ACACB: variants seen among roughly 807,000 people sequenced by gnomAD.
The protein encoded by ACACB is acetyl-CoA carboxylase 2.
In ACACB, 209 loss-of-function variants were observed where a neutral mutation model predicts 278.8. The observed-to-expected ratio is 0.75, with a 90% CI of 0.67 to 0.84. The LOEUF (loss-of-function observed/expected upper bound fraction) is 0.84. Ranked by LOEUF, ACACB falls within the 40% of genes least tolerant of loss-of-function variation. The pLI is 0.00. For missense variants in ACACB, 2,850 were observed against 3,269.0 expected (o/e 0.87, Z 3.13); for synonymous variants, 1,174 against 1,285.6 (o/e 0.91, Z 1.86).
chr12:109,231,868 G>C (rs1452780994), intron 28 of ACACB, among the ~76,000 whole-genome samples: 1 of 152,286 alleles, frequency 6.6e-6, no homozygotes, highest in Non-Finnish European at 1.5e-5. Context: ...CCTCTGCTCT[G>C]CATCGAAATC....
intron 1 of ACACB, among the ~76,000 whole-genome samples, chr12:109,128,605 C>T (rs958814092): frequency 6.6e-6 from 1 of 152,164 alleles, no homozygotes; most frequent in Admixed American, 6.5e-5. Flanking sequence ...TCCCAAAGTG[C>T]TGGGATTACG....
At chr12:109,188,205 C>T in intron 13 of ACACB, 43 bp downstream of exon 13, 2 of 1,341,582 alleles carry the variant, frequency 1.5e-6, no homozygotes, top group Non-Finnish European at 1.0e-6. Flanking sequence ...TTCCTTCCTT[C>T]CTTCCTTCCT....
chr12:109,150,644 G>A (rs1194410137), intron 2 of ACACB, among the ~76,000 whole-genome samples: 1 of 152,168 alleles, frequency 6.6e-6, no homozygotes, highest in Non-Finnish European at 1.5e-5. Context: ...AGGAATACCA[G>A]GAAAGGGAGC....
rs766791907 is a variant in ACACB at position 109,241,255 on chromosome 12, G to C, written c.4996G>C (p.Glu1666Gln). The C allele has an allele frequency of 1.2e-6, 2 of 1,614,060 alleles. No individual in the cohort carries two copies. Among genetic ancestry groups the C allele is most frequent in the Non-Finnish European group, 8.5e-7 (1 of 1,180,044 alleles). ...GYYLDISLYKEVTDSRSGNIM... is the reference protein window; with the variant it reads ...GYYLDISLYKQVTDSRSGNIM... ...CTACCTGGACATCAGCCTCTACAAA[G>C]AAGTGACTGACTCCAGATCTGGAAA... is the stretch of plus-strand genomic sequence containing the variant. Residue 1666 changes from glutamate to glutamine, a missense_variant, in exon 36 of 53, where the codon GAA becomes CAA. By Grantham distance (29) the Glu-to-Gln change is conservative. This residue lies in a region of ACACB where 2,265 missense variants were observed against 2,561.3 expected (regional missense o/e 0.88). Transcript: ENST00000338432.
rs1185806694 is a variant in ACACB at position 109,216,513 on chromosome 12, C to A, written c.3351-105C>A. On this transcript the variant is annotated intron_variant, in intron 22 of 52. Coordinates refer to ENST00000338432, the MANE Select transcript of ACACB (RefSeq NM_001093.4). Reference sequence around the variant, plus strand: ...GGGATTACAGGCATGAGCCACCATGCCCAGCCAATCCTTTCTCTTTTTAAA... The same window carrying A: ...GGGATTACAGGCATGAGCCACCATGACCAGCCAATCCTTTCTCTTTTTAAA... 9 of 1,204,728 alleles carry A rather than the reference C, an allele frequency of 7.5e-6. No homozygotes were observed. In the East Asian group the frequency reaches 1.6e-4, roughly 22 times the overall value. 74.6% of individuals were successfully genotyped at this position (1,204,728 alleles called of 1,614,324 possible).
At chr12:109,186,799 G>T (rs1429154369) in intron 12 of ACACB, among the ~76,000 whole-genome samples, 2 of 152,070 alleles carry the variant, frequency 1.3e-5, no homozygotes, top group African/African-American at 4.8e-5. Flanking sequence ...GAATTTTTTG[G>T]AGGGATGATG....
At chr12:109,164,668 C>T (rs997189782) in intron 2 of ACACB, among the ~76,000 whole-genome samples, 3 of 151,952 alleles carry the variant, frequency 2.0e-5, no homozygotes, top group Non-Finnish European at 4.4e-5. Context: ...CCTTAGCCTC[C>T]TGAGTAGCTA....
chr12:109,166,412 G>T (rs75867250), intron 2 of ACACB, among the ~76,000 whole-genome samples: 8,244 of 151,902 alleles, frequency 0.054, 274 homozygotes, highest in Non-Finnish European at 0.072. Context: ...TTTCAGTTGG[G>T]TACAGTGGTT....
In ACACB at chr12:109,251,948, C is replaced by CT; in HGVS notation, c.5791-96dup. On this transcript the variant is annotated intron_variant, in intron 41 of 52. Coordinates refer to ENST00000338432, the MANE Select transcript of ACACB (RefSeq NM_001093.4). The stretch of plus-strand genomic sequence containing the variant: ...CGGGTTGCCATTGGTCAAAACATAA[C>CT]TTCCATTTGGTCCCAGCAGGTTCCT... 2.9e-5 allele frequency: 25 copies of CT among 861,066 alleles called. No individual in the cohort carries two copies. The South Asian group carries it at 5.4e-4, about 19-fold the overall frequency. 53.3% of individuals were successfully genotyped at this position (861,066 alleles called of 1,614,324 possible).
intron 10 of ACACB, 39 bp from the exon 11 acceptor site, chr12:109,179,878 C>T (rs1284356191): frequency 6.3e-7 from 1 of 1,578,700 alleles, no homozygotes. Context: ...CCTGAAAAGA[C>T]CTCTGGAACC....
chr12:109,188,181 C>T lies in ACACB; in HGVS notation c.2144+19C>T, dbSNP rs1427583499. ...CCATTTCGTCAGTATCTCCTTCCTT[C>T]CTTCCTTCCTTCCTTCCTTCCTTCC... On this transcript the variant is annotated intron_variant, in intron 13 of 52. Coordinates refer to ENST00000338432, the MANE Select transcript of ACACB (RefSeq NM_001093.4). 7 of 544,770 alleles carry T rather than the reference C, an allele frequency of 1.3e-5. No homozygotes were observed. The highest frequency in any genetic ancestry group is 6.3e-5 in the Admixed American group (2 of 31,624). 33.7% of individuals were successfully genotyped at this position (544,770 alleles called of 1,614,324 possible). A position where few individuals can be genotyped will look rare whatever the true frequency, so the allele number is the denominator to read the frequency against.
At chr12:109,178,254 C>A (rs1412148526) in intron 9 of ACACB, among the ~76,000 whole-genome samples, 1 of 152,142 alleles carries the variant, frequency 6.6e-6, no homozygotes, top group African/African-American at 2.4e-5. Flanking sequence ...AATCATTGCA[C>A]GTGAATACTT....
chr12:109,152,624 T>TTTTCTTTCTTTC (rs771783908), intron 2 of ACACB, among the ~76,000 whole-genome samples: 1 of 98,138 alleles, frequency 1.0e-5, no homozygotes, highest in Non-Finnish European at 2.3e-5. Flanking sequence ...TGCCTGTGCC[T>TTTTCTTTCTTTC]TTTCTTTCTT....
intron 1 of ACACB, among the ~76,000 whole-genome samples, chr12:109,135,529 T>A (rs929121621): frequency 6.6e-6 from 1 of 151,758 alleles, no homozygotes; most frequent in Non-Finnish European, 1.5e-5. Context: ...CTTGATGAAG[T>A]CCAATTTACC....
At position 109,181,840 on chromosome 12, in the gene ACACB, C is replaced by CTTTTTTT. The variant is rs34174568; in HGVS notation, c.1818+1769_1818+1775dup. Among the ~76,000 whole-genome samples, 277 of 81,540 alleles carry CTTTTTTT rather than the reference C, an allele frequency of 3.4e-3. 5 individuals are homozygous for CTTTTTTT. The highest frequency in any genetic ancestry group is 0.014 in the Middle Eastern group (1 of 74). The allele number at this position is 81,540 out of a possible 152,430, so 53.5% of individuals were successfully genotyped here. A position where few individuals can be genotyped will look rare whatever the true frequency, so the allele number is the denominator to read the frequency against. On this transcript the variant is annotated intron_variant, in intron 11 of 52. Coordinates refer to ENST00000338432, the MANE Select transcript of ACACB (RefSeq NM_001093.4). Reference sequence around the variant, plus strand: ...CTTTTTCTGTTTTCTTTTTCCTTTCCTTTTTTTTTTTTTTTTTTTTTTGAG... The same window carrying CTTTTTTT: ...CTTTTTCTGTTTTCTTTTTCCTTTCCTTTTTTTTTTTTTTTTTTTTTTTTTTTTTGAG...
intron 22 of ACACB, among the ~76,000 whole-genome samples, chr12:109,214,629 A>T (rs998472211): frequency 5.9e-5 from 9 of 152,222 alleles, no homozygotes; most frequent in African/African-American, 2.2e-4. Flanking sequence ...GTATTGTGTA[A>T]GTATGTTTTA....
chr12:109,258,156 G>T (rs766063167), intron 45 of ACACB, 112 bp from the exon 46 acceptor site: 3 of 714,768 alleles, frequency 4.2e-6, no homozygotes, highest in Non-Finnish European at 6.9e-6. Context: ...AAAATAATCC[G>T]CCAGATTAAA....
At chr12:109,149,162 A>T (rs2043310651) in intron 2 of ACACB, among the ~76,000 whole-genome samples, 1 of 152,158 alleles carries the variant, frequency 6.6e-6, no homozygotes, top group African/African-American at 2.4e-5. Context: ...TATTAGTGTC[A>T]CTGCCTAACC....
chr12:109,146,017 AATT>A (rs202089360), intron 2 of ACACB, among the ~76,000 whole-genome samples: 2,053 of 152,144 alleles, frequency 0.013, 39 homozygotes, highest in African/African-American at 0.047. Flanking sequence ...TCGAAAAAAA[AATT>A]ATTATTATTT....
Sources: allele counts gnomAD v4.1 joint callset (sites outside exome capture counted in the v4.1 genomes callset), GRCh38; gene constraint gnomAD v4.1.1; regional missense constraint gnomAD v4.1.1; transcripts MANE v1.5; gene names NCBI Gene and HGNC (gene_info 2026-07-23, HGNC 2026-07-21).